Variants in FBXL17 observed in about 807,000 individuals in gnomAD.
FBXL17 encodes F-box/LRR-repeat protein 17.
Under a neutral mutation model 66.2 loss-of-function variants are expected in FBXL17, and 22 were observed. The observed-to-expected ratio is 0.33, with a 90% CI of 0.24 to 0.47. The LOEUF is 0.47. FBXL17 is among the 20% of genes least tolerant of loss of function. The probability of loss-of-function intolerance (pLI) is 1.00; values close to 1 mark genes in which losing one functional copy is unlikely to be tolerated. For synonymous variants in FBXL17, 474 were observed against 400.5 expected (o/e 1.18, Z -2.19); for missense variants, 878 against 948.2 (o/e 0.93, Z 0.97).
At chr5:108,368,063 A>C in intron 1 of FBXL17, 110 bp from the exon 2 acceptor site, 3 of 1,022,342 alleles carry the variant, frequency 2.9e-6, no homozygotes, top group Non-Finnish European at 4.2e-6. Context: ...AACCTTCTTG[A>C]ATAAAAGAGG....
intron 8 of FBXL17, chr5:107,879,718 T>C: frequency 1.0e-6 from 1 of 985,464 alleles, no homozygotes. Context: ...TAGTTTCACA[T>C]TATTTTGCTA....
At chr5:107,878,806 G>A (rs1313947236) in intron 8 of FBXL17, 2 of 985,338 alleles carry the variant, frequency 2.0e-6, no homozygotes, top group Non-Finnish European at 2.4e-6. Flanking sequence ...CTCGTGTTTG[G>A]CTCTGAGCTG....
At chr5:108,348,227 T>C (rs1747403408) in intron 4 of FBXL17, among the ~76,000 whole-genome samples, 172 bp downstream of exon 4, 1 of 152,200 alleles carries the variant, frequency 6.6e-6, no homozygotes, top group Non-Finnish European at 1.5e-5. Context: ...ACACCATCTA[T>C]TCAGTTAAAA....
intron 5 of FBXL17, among the ~76,000 whole-genome samples, chr5:108,213,019 A>T (rs1754442734): frequency 6.6e-6 from 1 of 152,010 alleles, no homozygotes. Context: ...CTGCCCAGAG[A>T]AGAGGAATCT....
intron 7 of FBXL17, among the ~76,000 whole-genome samples, chr5:107,959,968 C>T (rs188370395): frequency 4.8e-4 from 73 of 152,306 alleles, no homozygotes; most frequent in African/African-American, 1.4e-3. Context: ...AATTAATCTA[C>T]GTACTTTCCT....
Position 108,306,202 on chromosome 5 carries a change from T to C in FBXL17, c.1506+42197A>G, listed in dbSNP as rs553069701. ...ACTTACTGATATTATAATTCTACTTTTTAGATATATGGGGGAAAATACACT... is the reference window on the plus strand; with the variant it reads ...ACTTACTGATATTATAATTCTACTTCTTAGATATATGGGGGAAAATACACT... On this transcript the variant is annotated intron_variant, in intron 4 of 8. Transcript: ENST00000542267. Among the ~76,000 whole-genome samples, 9 of 152,226 alleles carry C rather than the reference T, an allele frequency of 5.9e-5. No homozygotes were observed. The South Asian group carries it at 1.5e-3, about 25-fold the overall frequency.
At chr5:108,139,296 G>C (rs764640050) in intron 6 of FBXL17, among the ~76,000 whole-genome samples, 1 of 152,186 alleles carries the variant, frequency 6.6e-6, no homozygotes, top group Non-Finnish European at 1.5e-5. Context: ...CTGAGATACA[G>C]CATTCGCTAA....
intron 6 of FBXL17, among the ~76,000 whole-genome samples, chr5:108,047,589 G>A (rs1747305405): frequency 2.0e-5 from 3 of 152,202 alleles, no homozygotes; most frequent in Admixed American, 2.0e-4. Flanking sequence ...GCTCCAGGCA[G>A]TGCTTTTCCC....
intron 7 of FBXL17, among the ~76,000 whole-genome samples, chr5:107,896,854 G>A (rs1220041813): frequency 2.6e-5 from 1 of 39,152 alleles, no homozygotes; most frequent in Non-Finnish European, 4.2e-5. Context: ...TGAAAATTTG[G>A]CATTTTTTTT....
At chr5:108,016,785 T>TC (rs1754404457) in intron 7 of FBXL17, among the ~76,000 whole-genome samples, 1 of 150,422 alleles carries the variant, frequency 6.6e-6, no homozygotes, top group East Asian at 1.9e-4. Flanking sequence ...TTTCTTTCTT[T>TC]CTTTTTTTTT....
intron 6 of FBXL17, among the ~76,000 whole-genome samples, chr5:108,080,337 A>C (rs1209487672): frequency 1.4e-4 from 21 of 152,216 alleles, no homozygotes; most frequent in Admixed American, 1.4e-3. Flanking sequence ...TAATGTTTTC[A>C]ACCAAATTGC....
At chr5:108,096,064 A>C (rs1749355134) in intron 6 of FBXL17, among the ~76,000 whole-genome samples, 1 of 152,224 alleles carries the variant, frequency 6.6e-6, no homozygotes, top group Admixed American at 6.5e-5. Flanking sequence ...CAATGTTTTA[A>C]AACTGTTATA....
At chr5:108,153,000 G>C (rs1317754922) in intron 6 of FBXL17, among the ~76,000 whole-genome samples, 2 of 152,116 alleles carry the variant, frequency 1.3e-5, no homozygotes, top group African/African-American at 4.8e-5. Context: ...ATGACAGTGA[G>C]TAAGTCTCAT....
At position 108,382,074 on chromosome 5, in the gene FBXL17, C is replaced by A. The variant is rs1750022708; in HGVS notation, c.-383G>T. On this transcript the variant is annotated 5_prime_UTR_variant, in exon 1 of 9. Coordinates refer to ENST00000542267, the MANE Select transcript of FBXL17 (RefSeq NM_001163315.3). ...CGGACCATTTTAACTGCGGATCCGC[C>A]GCCGGCGCGCGCACCCGCGACTCTG... 3 of 603,266 alleles carry A rather than the reference C, an allele frequency of 5.0e-6. No homozygotes were observed. The highest frequency in any genetic ancestry group is 2.1e-6 in the Non-Finnish European group (1 of 474,424). The allele number at this position is 603,266 out of a possible 1,614,324, so 37.4% of individuals were successfully genotyped here. A position where few individuals can be genotyped will look rare whatever the true frequency, so the allele number is the denominator to read the frequency against.
At chr5:108,128,654 C>G (rs1344425083) in intron 6 of FBXL17, among the ~76,000 whole-genome samples, 1 of 152,062 alleles carries the variant, frequency 6.6e-6, no homozygotes, top group Non-Finnish European at 1.5e-5. Flanking sequence ...CCAAATTCAA[C>G]AAGAGTCTAC....
intron 7 of FBXL17, among the ~76,000 whole-genome samples, chr5:107,975,862 T>TGG (rs375223836): frequency 0.56 from 81,216 of 145,032 alleles, 22,797 homozygotes; most frequent in East Asian, 0.62. Flanking sequence ...TTGTTGTTTT[T>TGG]TTTTTTTTTT....
intron 7 of FBXL17, among the ~76,000 whole-genome samples, chr5:107,917,231 T>C (rs952004315): frequency 6.6e-6 from 1 of 152,226 alleles, no homozygotes; most frequent in Non-Finnish European, 1.5e-5. Context: ...TCTTTATTTT[T>C]CTATTCTAAT....
At chr5:107,880,274 T>C (rs1358902807) in intron 8 of FBXL17, 14 of 699,516 alleles carry the variant, frequency 2.0e-5, no homozygotes, top group Non-Finnish European at 2.5e-5. Flanking sequence ...AGACAGGGTT[T>C]TCCCATGTTG....
intron 6 of FBXL17, 74 bp downstream of exon 6, chr5:108,186,043 G>A: frequency 8.2e-7 from 1 of 1,214,104 alleles, no homozygotes; most frequent in Non-Finnish European, 1.2e-6. Context: ...TTATAGACAT[G>A]CCTTGTTATA....
Sources: allele counts gnomAD v4.1 joint callset (sites outside exome capture counted in the v4.1 genomes callset), GRCh38; gene constraint gnomAD v4.1.1; transcripts MANE v1.5; gene names NCBI Gene and HGNC (gene_info 2026-07-23, HGNC 2026-07-21).